KIF1B: variants seen among roughly 807,000 people sequenced by gnomAD.
KIF1B encodes the protein kinesin family member 1B.
Under a neutral mutation model 241.9 loss-of-function variants are expected in KIF1B, and 76 were observed. The ratio of observed to expected loss-of-function variants is 0.31; its 90% CI spans 0.26 to 0.38. The LOEUF is 0.38. Ranked by LOEUF, KIF1B falls within the 10% of genes least tolerant of loss-of-function variation. The pLI is 1.00. For synonymous variants in KIF1B, 750 were observed against 796.7 expected, an observed-to-expected ratio of 0.94 and a Z score of 0.99; for missense variants, 1,622 against 2,271.4, an observed-to-expected ratio of 0.71 and a Z score of 5.81.
Position 10,378,829 on chromosome 1 carries a change from G to C in KIF1B, c.*2242G>C, listed in dbSNP as rs1253302875. 1 of 244,440 alleles carries C rather than the reference G, an allele frequency of 4.1e-6. No individual in the cohort carries two copies. Among genetic ancestry groups the C allele is most frequent in the Non-Finnish European group, 8.0e-6 (1 of 124,666 alleles). The allele number at this position is 244,440 out of a possible 1,614,324, so 15.1% of individuals were successfully genotyped here. ...GAGAAAGGAAAGGATAGAATCACAG[G>C]CTGCGTCTGCACCTGAAAAGTGACC... On this transcript the variant is annotated 3_prime_UTR_variant, in exon 49 of 49. Transcript: ENST00000676179.
intron 4 of KIF1B, among the ~76,000 whole-genome samples, chr1:10,259,505 A>ATTTT (rs869146825): frequency 8.2e-6 from 1 of 121,552 alleles, no homozygotes; most frequent in African/African-American, 3.3e-5. Flanking sequence ...AAAAAAAAAA[A>ATTTT]TTTTTTTTTT....
chr1:10,308,332 T>C (rs1650925647), intron 22 of KIF1B: 2 of 1,055,150 alleles, frequency 1.9e-6, no homozygotes, highest in East Asian at 1.1e-4. Flanking sequence ...TTTCCCAGAT[T>C]TTAAAATCTG....
intron 1 of KIF1B, among the ~76,000 whole-genome samples, chr1:10,226,999 A>G (rs1421067868): frequency 2.1e-5 from 3 of 146,172 alleles, no homozygotes; most frequent in African/African-American, 7.6e-5. Flanking sequence ...AAAAAAATAC[A>G]TTGTATTTGG....
chr1:10,324,156 C>G, intron 25 of KIF1B, 94 bp downstream of exon 25: 8 of 1,204,110 alleles, frequency 6.6e-6, no homozygotes, highest in Non-Finnish European at 8.7e-6. Context: ...TCTCTGAGGA[C>G]ACTGTTGCTT....
At position 10,296,917 on chromosome 1, in the gene KIF1B, A is replaced by G. The variant is rs1328343836; in HGVS notation, c.1882A>G (p.Lys628Glu). Residue 628 changes from lysine (K) to glutamate (E), a missense_variant, in exon 21 of 49, where the codon AAA (lysine) becomes GAA (glutamate). Physicochemically the swap from Lys to Glu is moderately conservative, Grantham distance 56. This residue lies in a region of KIF1B where 803 missense variants were observed against 1,112.0 expected (regional missense o/e 0.72). Transcript: ENST00000676179. ...LRSGNRIIMG[K>E]NHVFRFNHPE... is the part of the protein sequence containing the mutation. ...GCTAGGAAACCGTATCATCATGGGT[A>G]AAAACCATGTTTTCCGCTTTAACCA... 1 of 1,613,998 alleles carries G rather than the reference A, an allele frequency of 6.2e-7. No individual in the cohort carries two copies.
rs139159572 is a variant in KIF1B at position 10,348,669 on chromosome 1, A to G, written c.3885A>G (p.Thr1295=). The part of the protein sequence containing the change: ...LLHQGIQRRI[T]VTIIHEKGSE... ...CCTAGGGCATCCAGCGAAGGATCAC[A>G]GTGACCATTATCCATGAGAAGGGGA... Residue 1295 remains threonine (T), a synonymous_variant, in exon 37 of 49, where the codon ACA becomes ACG. Coordinates refer to ENST00000676179, the MANE Select transcript of KIF1B (RefSeq NM_001365951.3). 8 of 1,614,070 alleles carry G rather than the reference A, an allele frequency of 5.0e-6. No homozygotes were observed. Among genetic ancestry groups the G allele is most frequent in the African/African-American group, 4.0e-5 (3 of 74,934 alleles).
At chr1:10,280,408 A>G (rs1164626648) in intron 14 of KIF1B, among the ~76,000 whole-genome samples, 2 of 151,578 alleles carry the variant, frequency 1.3e-5, no homozygotes, top group East Asian at 1.9e-4. Flanking sequence ...GCTTATTTTT[A>G]TATTTTTAAT....
At chr1:10,315,664 C>T (rs546902705) in intron 22 of KIF1B, among the ~76,000 whole-genome samples, 1 of 151,554 alleles carries the variant, frequency 6.6e-6, no homozygotes, top group South Asian at 2.1e-4. Context: ...TTTTTTAAAT[C>T]TTTCATTATA....
chr1:10,340,559 T>A (rs1652354287), intron 32 of KIF1B, among the ~76,000 whole-genome samples: 2 of 152,192 alleles, frequency 1.3e-5, no homozygotes, highest in Non-Finnish European at 2.9e-5. Flanking sequence ...TTAAAGTCAC[T>A]CATCAGGCTG....
chr1:10,252,431 G>A (rs1303310999), intron 2 of KIF1B, among the ~76,000 whole-genome samples: 1 of 151,720 alleles, frequency 6.6e-6, no homozygotes, highest in Non-Finnish European at 1.5e-5. Context: ...TGTTACTTGA[G>A]ACAGGGTCTT....
At chr1:10,291,259 T>C (rs1219209839) in intron 16 of KIF1B, 98 bp downstream of exon 16, 3 of 911,170 alleles carry the variant, frequency 3.3e-6, no homozygotes, top group Non-Finnish European at 5.1e-6. Flanking sequence ...AATCAAAGAG[T>C]CTGCCCTTCT....
chr1:10,261,167 A>C (rs1386027468), intron 4 of KIF1B, among the ~76,000 whole-genome samples: 1 of 151,454 alleles, frequency 6.6e-6, no homozygotes, highest in East Asian at 2.0e-4. Context: ...GGGTTTCACA[A>C]TGTTGGCCAG....
In KIF1B at chr1:10,314,305, C is replaced by G. The variant is rs911690270; in HGVS notation, c.2116-5738C>G. The stretch of plus-strand genomic sequence containing the variant: ...GGGAAATGGTGATGATATACAGTGT[C>G]CTTTTTAAAAGCTCGTAAGTAGCCT... On this transcript the variant is annotated intron_variant, in intron 22 of 48. Coordinates refer to ENST00000676179, the MANE Select transcript of KIF1B (RefSeq NM_001365951.3). 3.3e-5 allele frequency among the ~76,000 whole-genome samples: 5 copies of G among 151,580 alleles called. 1 individual carries two copies. Among genetic ancestry groups the G allele is most frequent in the African/African-American group, 7.3e-5 (3 of 40,866 alleles).
At chr1:10,282,623 C>CAT in intron 15 of KIF1B, 90 bp downstream of exon 15, 1 of 1,067,874 alleles carries the variant, frequency 9.4e-7, no homozygotes, top group Non-Finnish European at 1.5e-6. Flanking sequence ...TTCGACTCAG[C>CAT]ATATGGAGAA....
chr1:10,321,941 T>G, intron 24 of KIF1B, 84 bp downstream of exon 24: 1 of 1,502,292 alleles, frequency 6.7e-7, no homozygotes. Context: ...TGAATTAACC[T>G]TTCCTTTGGG....
At chr1:10,229,491 G>A (rs547841721) in intron 1 of KIF1B, among the ~76,000 whole-genome samples, 14 of 152,250 alleles carry the variant, frequency 9.2e-5, no homozygotes, top group South Asian at 2.1e-4. Flanking sequence ...GAGACAGACA[G>A]TGTGAGAGAT....
At chr1:10,268,376 A>G (rs755175353) in intron 7 of KIF1B, 113 bp downstream of exon 7, 4 of 740,022 alleles carry the variant, frequency 5.4e-6, no homozygotes, top group Non-Finnish European at 9.8e-6. Flanking sequence ...GTGCTCTTTT[A>G]CTTAATGGAG....
chr1:10,366,552 G>A (rs1337478434), intron 43 of KIF1B, among the ~76,000 whole-genome samples: 1 of 152,250 alleles, frequency 6.6e-6, no homozygotes, highest in African/African-American at 2.4e-5. Flanking sequence ...TGCATGATCA[G>A]TCTTGGGGAA....
chr1:10,250,517 A>G (rs1647378743), intron 2 of KIF1B, among the ~76,000 whole-genome samples: 1 of 151,946 alleles, frequency 6.6e-6, no homozygotes, highest in African/African-American at 2.4e-5. Flanking sequence ...TTTTGTAAAT[A>G]CAGTATTTTT....
Sources: allele counts gnomAD v4.1 joint callset (sites outside exome capture counted in the v4.1 genomes callset), GRCh38; gene constraint gnomAD v4.1.1; regional missense constraint gnomAD v4.1.1; transcripts MANE v1.5; gene names NCBI Gene and HGNC (gene_info 2026-07-23, HGNC 2026-07-21).